Variants in DDI2 observed in about 807,000 individuals in gnomAD.
DDI2 encodes the protein protein DDI1 homolog 2.
A neutral mutation model predicts 48.1 loss-of-function variants in DDI2; 5 were observed. The ratio of observed to expected loss-of-function variants is 0.10; its 90% CI spans 0.05 to 0.22. The LOEUF is 0.22. Ranked by LOEUF, DDI2 falls within the 10% of genes least tolerant of loss-of-function variation. The probability of loss-of-function intolerance (pLI) is 1.00; values close to 1 mark genes in which losing one functional copy is unlikely to be tolerated. For missense variants in DDI2, 285 were observed against 506.2 expected, an observed-to-expected ratio of 0.56 and a Z score of 4.19; for synonymous variants, 205 against 183.6, an observed-to-expected ratio of 1.12 and a Z score of -0.94.
At chr1:15,651,001 C>T (rs566363145) in intron 7 of DDI2, among the ~76,000 whole-genome samples, 23 of 151,212 alleles carry the variant, frequency 1.5e-4, no homozygotes, top group Admixed American at 1.3e-3. Context: ...ACTACAGGCA[C>T]CCATCACCAC....
chr1:15,632,426 G>A (rs1321346274), intron 3 of DDI2, among the ~76,000 whole-genome samples: 3 of 152,052 alleles, frequency 2.0e-5, no homozygotes, highest in Non-Finnish European at 4.4e-5. Context: ...CCAGCTACTT[G>A]GGAGGCTGAG....
At position 15,662,461 on chromosome 1, in the gene DDI2, C is replaced by G. The variant is rs939910686; in HGVS notation, c.*2671C>G. 4 of 152,122 alleles carry G rather than the reference C, an allele frequency of 2.6e-5. No homozygotes were observed. The highest frequency in any genetic ancestry group is 5.9e-5 in the Non-Finnish European group (4 of 68,004). 9.4% of individuals were successfully genotyped at this position (152,122 alleles called of 1,614,324 possible). ...TGGGGGAGTTACAATGCAAGTGAAA[C>G]GTGGTGCTACCCAGATTCTTAAAAG... On this transcript the variant is annotated 3_prime_UTR_variant, in exon 10 of 10. Transcript: ENST00000480945.
chr1:15,654,010 C>G (rs1640233248), intron 8 of DDI2, among the ~76,000 whole-genome samples: 1 of 152,116 alleles, frequency 6.6e-6, no homozygotes, highest in Non-Finnish European at 1.5e-5. Context: ...TATTATAGAA[C>G]GGTGACTCTG....
At chr1:15,625,375 AGTTT>A (rs900372324) in intron 1 of DDI2, among the ~76,000 whole-genome samples, 55 of 152,150 alleles carry the variant, frequency 3.6e-4, no homozygotes, top group African/African-American at 1.3e-3. Flanking sequence ...TCAAAGCCTG[AGTTT>A]GTTCTGAATG....
intron 1 of DDI2, among the ~76,000 whole-genome samples, chr1:15,622,743 A>G (rs569692496): frequency 6.6e-6 from 1 of 152,310 alleles, no homozygotes; most frequent in African/African-American, 2.4e-5. Context: ...GATCACATGG[A>G]TTTATTTTGG....
Position 15,649,712 on chromosome 1 carries a change from C to CT in DDI2, c.890-3dup. Reference sequence around the variant, plus strand: ...AACAATAACCTTTTCTCTTCATGTGCTTTTTAGCTCAGGTTCAGATTGAAG... The same window carrying CT: ...AACAATAACCTTTTCTCTTCATGTGCTTTTTTAGCTCAGGTTCAGATTGAAG... On this transcript the variant is annotated splice_region_variant and splice_polypyrimidine_tract_variant and intron_variant, in intron 6 of 9. Coordinates refer to ENST00000480945, the MANE Select transcript of DDI2 (RefSeq NM_032341.5). The CT allele has an allele frequency of 6.2e-7, 1 of 1,606,770 alleles. No homozygotes were observed. The highest frequency in any genetic ancestry group is 8.5e-7 in the Non-Finnish European group (1 of 1,177,704).
chr1:15,632,982 T>G (rs941013623), intron 3 of DDI2, among the ~76,000 whole-genome samples: 1 of 144,930 alleles, frequency 6.9e-6, no homozygotes, highest in African/African-American at 2.6e-5. Flanking sequence ...GAGTGTGTGG[T>G]GCGATCACAG....
chr1:15,625,492 A>G (rs183976340), intron 1 of DDI2, among the ~76,000 whole-genome samples: 17 of 152,206 alleles, frequency 1.1e-4, no homozygotes, highest in Admixed American at 3.3e-4. Context: ...TATTTCATCT[A>G]TTTGTGCTGT....
chr1:15,639,620 T>C (rs916093508), intron 5 of DDI2, among the ~76,000 whole-genome samples: 3 of 152,114 alleles, frequency 2.0e-5, no homozygotes, highest in Admixed American at 6.5e-5. Context: ...TGTGCAACCA[T>C]ACCTGGCTGA....
intron 6 of DDI2, among the ~76,000 whole-genome samples, chr1:15,645,191 C>T (rs1029333094): frequency 4.6e-5 from 7 of 152,246 alleles, no homozygotes; most frequent in Non-Finnish European, 8.8e-5. Context: ...CGTTCCCAGC[C>T]TTCTTTTTCT....
At chr1:15,652,188 C>T (rs1270271848) in intron 8 of DDI2, among the ~76,000 whole-genome samples, 1 of 150,552 alleles carries the variant, frequency 6.6e-6, no homozygotes, top group Admixed American at 6.6e-5. Flanking sequence ...AGTCCTCTCA[C>T]CTCAGCCTCC....
At chr1:15,638,530 C>CTTTTT (rs775059343) in intron 5 of DDI2, 96 bp downstream of exon 5, 62 of 573,074 alleles carry the variant, frequency 1.1e-4, no homozygotes, top group East Asian at 3.5e-4. Flanking sequence ...GATGGCTGTA[C>CTTTTT]TTTTTTTTTT....
At chr1:15,630,019 A>G (rs1639818210) in intron 2 of DDI2, among the ~76,000 whole-genome samples, 1 of 152,206 alleles carries the variant, frequency 6.6e-6, no homozygotes, top group Admixed American at 6.5e-5. Context: ...GGTGTGAGCC[A>G]CCACGCCTGG....
At chr1:15,636,913 A>G (rs182045114) in intron 4 of DDI2, among the ~76,000 whole-genome samples, 74 of 152,368 alleles carry the variant, frequency 4.9e-4, no homozygotes, top group African/African-American at 1.7e-3. Flanking sequence ...CTGTGTTTCC[A>G]TAAAACTTTT....
rs770246488 is a variant in DDI2, at chr1:15,659,895, G to C, written c.*105G>C. The C allele has an allele frequency of 6.3e-7, 1 of 1,599,614 alleles. No homozygotes were observed. Among genetic ancestry groups the C allele is most frequent in the Non-Finnish European group, 8.5e-7 (1 of 1,174,994 alleles). On this transcript the variant is annotated 3_prime_UTR_variant, in exon 10 of 10. Coordinates refer to ENST00000480945, the MANE Select transcript of DDI2 (RefSeq NM_032341.5). Reference sequence around the variant, plus strand: ...TGTCATCATTACCAACTTCAGATGGGTTTAACCATCCCGCCCGTTCTTCAG... The same window carrying C: ...TGTCATCATTACCAACTTCAGATGGCTTTAACCATCCCGCCCGTTCTTCAG...
At chr1:15,658,491 G>A (rs746689036) in intron 9 of DDI2, among the ~76,000 whole-genome samples, 5 of 131,966 alleles carry the variant, frequency 3.8e-5, no homozygotes, top group Admixed American at 7.1e-5. Context: ...GGTCGGGTGC[G>A]GTGGCTCTTG....
At chr1:15,659,750 C>A in intron 9 of DDI2, 87 bp from the exon 10 acceptor site, 1 of 1,354,444 alleles carries the variant, frequency 7.4e-7, no homozygotes, top group Non-Finnish European at 9.8e-7. Flanking sequence ...TTTTATTCTA[C>A]GCTGTTTAGA....
intron 1 of DDI2, among the ~76,000 whole-genome samples, chr1:15,622,969 C>T (rs574667634): frequency 5.3e-5 from 8 of 152,296 alleles, no homozygotes; most frequent in Non-Finnish European, 1.2e-4. Flanking sequence ...GAAATTGGCG[C>T]TGAAGCAACA....
intron 6 of DDI2, among the ~76,000 whole-genome samples, chr1:15,647,503 T>C (rs1640110599): frequency 6.6e-6 from 1 of 152,170 alleles, no homozygotes; most frequent in African/African-American, 2.4e-5. Flanking sequence ...TTTTGATTTT[T>C]TCCCCCTAGT....
Sources: allele counts gnomAD v4.1 joint callset (sites outside exome capture counted in the v4.1 genomes callset), GRCh38; gene constraint gnomAD v4.1.1; transcripts MANE v1.5; gene names NCBI Gene and HGNC (gene_info 2026-07-23, HGNC 2026-07-21).